The following THBS3 variants were observed in gnomAD, a reference collection of about 807,000 sequenced individuals.
THBS3 encodes the protein thrombospondin 3.
In THBS3, 78 loss-of-function variants were observed where a neutral mutation model predicts 118.3. The ratio of observed to expected loss-of-function variants is 0.66; its 90% CI spans 0.55 to 0.80. THBS3 has a LOEUF of 0.80. Among genes scored for constraint, THBS3 ranks in the 30% least tolerant of loss-of-function variants. THBS3 has a pLI of 0.00. For missense variants in THBS3, 1,057 were observed against 1,247.4 expected (o/e 0.85, Z 2.30); for synonymous variants, 427 against 475.3 (o/e 0.90, Z 1.32).
Position 155,202,896 on chromosome 1 carries a change from T to G in THBS3, c.873A>C (p.Glu291Asp), listed in dbSNP as rs748994528. The change falls in exon 8 of 23, where the codon GAA (glutamate) becomes GAC (aspartate). Residue 291 changes from glutamate (E) to aspartate (D), a missense_variant. Glu to Asp is a conservative substitution (Grantham distance 45). Coordinates refer to ENST00000368378, the MANE Select transcript of THBS3 (RefSeq NM_007112.5). The surrounding 1 kb of genome is among the most constrained non-coding windows in gnomAD (Gnocchi z 5.5). Reference protein sequence around the residue: ...NPCFRGVDCMEVYEYPGYRCG... With the variant: ...NPCFRGVDCMDVYEYPGYRCG... ...AGCGGTAGCCTGGGTACTCGTACAC[T>G]TCCATGCAGTCCACACCTCGGAAGC... is the stretch of plus-strand genomic sequence containing the variant. The G allele has an allele frequency of 2.2e-5, 35 of 1,613,746 alleles. No homozygotes were observed. Among genetic ancestry groups the G allele is most frequent in the Non-Finnish European group, 2.9e-5 (34 of 1,180,028 alleles).
Position 155,198,444 on chromosome 1 carries a change from C to T in THBS3, c.2039G>A (p.Arg680His), listed in dbSNP as rs150766484. The change falls in exon 17 of 23, where the codon CGC becomes CAC. Residue 680 changes from arginine to histidine, a missense_variant. Coordinates refer to ENST00000368378, the MANE Select transcript of THBS3 (RefSeq NM_007112.5). Reference sequence around the variant, plus strand: ...CTTCTGATTGGGATTGGGTACCAGGCGGCAGTTATCGGGACCAGGAGGCAC... The same window carrying T: ...CTTCTGATTGGGATTGGGTACCAGGTGGCAGTTATCGGGACCAGGAGGCAC... ...DYVPPGPDNC[R>H]LVPNPNQKDS... 9.3e-6 allele frequency: 15 copies of T among 1,614,082 alleles called. No homozygotes were observed. Among genetic ancestry groups the T allele is most frequent in the Middle Eastern group, 1.7e-4 (1 of 6,058 alleles).
At position 155,197,697 on chromosome 1, in the gene THBS3, G is replaced by A. The variant is rs748031674; in HGVS notation, c.2303-38C>T. ...TGGGATAAAGGTCAGGGGCAGCAAAGCTACTGGCGGCCCATCATGGGGTAA... is the reference window on the plus strand; with the variant it reads ...TGGGATAAAGGTCAGGGGCAGCAAAACTACTGGCGGCCCATCATGGGGTAA... On this transcript the variant is annotated intron_variant, in intron 19 of 22. Coordinates refer to ENST00000368378, the MANE Select transcript of THBS3 (RefSeq NM_007112.5). The surrounding 1 kb of genome is among the most constrained non-coding windows in gnomAD (Gnocchi z 5.0). 6.2e-7 allele frequency: 1 copy of A among 1,606,400 alleles called. No individual in the cohort carries two copies. Among genetic ancestry groups the A allele is most frequent in the East Asian group, 2.2e-5 (1 of 44,714 alleles).
chr1:155,197,502 T>C lies in THBS3; in HGVS notation c.2460A>G (p.Thr820=), dbSNP rs755189551. The C allele has an allele frequency of 7.1e-5, 114 of 1,613,760 alleles. No individual in the cohort carries two copies. Among genetic ancestry groups the C allele is most frequent in the Non-Finnish European group, 8.6e-5 (102 of 1,179,990 alleles). Residue 820 remains threonine, a synonymous_variant, in exon 20 of 23, where the codon ACA becomes ACG. Coordinates refer to ENST00000368378, the MANE Select transcript of THBS3 (RefSeq NM_007112.5). The surrounding 1 kb of genome is among the most constrained non-coding windows in gnomAD (Gnocchi z 5.0). ...CGGGCTGGGCAACCGCCCGGAAGGG[T>C]GTAGCCTGCCAGTAGGTCTGCTCGG... ...KQTEQTYWQA[T]PFRAVAQPGL...
At position 155,196,111 on chromosome 1, in the gene THBS3, C is replaced by T. The variant is rs1238152850; in HGVS notation, c.2688G>A (p.Glu896=). ...CAGAATCCGCCACAAGCTGGGGTCC[C>T]TCATAGAGCTTCACCCTGTCCAGGA... ...QVGYIRVKLY[E]GPQLVADSGV... Residue 896 remains glutamate (E), a synonymous_variant, in exon 22 of 23, where the codon GAG becomes GAA. Transcript: ENST00000368378. 1 of 1,614,134 alleles carries T rather than the reference C, an allele frequency of 6.2e-7. No individual in the cohort carries two copies. Among genetic ancestry groups the T allele is most frequent in the South Asian group, 1.1e-5 (1 of 91,080 alleles).
Position 155,198,415 on chromosome 1 carries a change from A to T in THBS3, c.2068T>A (p.Ser690Thr), listed in dbSNP as rs1669068516. 1.9e-6 allele frequency: 3 copies of T among 1,613,796 alleles called. No individual in the cohort carries two copies. The highest frequency in any genetic ancestry group is 1.1e-5 in the South Asian group (1 of 91,046). The change falls in exon 17 of 23, where the codon TCA (serine) becomes ACA (threonine). Residue 690 changes from serine to threonine, a missense_variant. Ser to Thr is a moderately conservative substitution (Grantham distance 58). Coordinates refer to ENST00000368378, the MANE Select transcript of THBS3 (RefSeq NM_007112.5). ...RLVPNPNQKD[S>T]DGNGVGDVCE... ...TCTGGGTCCGCAGGCTTACCATCTG[A>T]GTCCTTCTGATTGGGATTGGGTACC...
intron 14 of THBS3, 100 bp downstream of exon 14, chr1:155,200,351 C>T: frequency 6.8e-7 from 1 of 1,465,442 alleles, no homozygotes; most frequent in Non-Finnish European, 9.3e-7. Context: ...ACAAGCCTGC[C>T]TCCCTATTTC....
chr1:155,199,266 C>T (rs1439380972), intron 16 of THBS3, among the ~76,000 whole-genome samples: 3 of 150,244 alleles, frequency 2.0e-5, no homozygotes, highest in Non-Finnish European at 3.0e-5. Flanking sequence ...AAAAATTAGC[C>T]GGGCGTGGTG....
At chr1:155,195,944 A>G in intron 22 of THBS3, 43 bp downstream of exon 22, 1 of 1,614,210 alleles carries the variant, frequency 6.2e-7, no homozygotes, top group Non-Finnish European at 8.5e-7. Context: ...TGGCTCTCCC[A>G]CAAGGCATGA....
Position 155,201,158 on chromosome 1 carries a change from G to T in THBS3, c.1376C>A (p.Thr459Lys). ...AGNGNVCGTDTDIDGYPDQAL... is the reference protein window; with the variant it reads ...AGNGNVCGTDKDIDGYPDQAL... ...TTGGTCTGGGTAGCCATCGATGTCT[G>T]TGTCAGTCCCACACACGTTCCCATT... The change falls in exon 12 of 23, where the codon ACA becomes AAA. Residue 459 changes from threonine to lysine, a missense_variant. Thr to Lys is a moderately conservative substitution (Grantham distance 78). Coordinates refer to ENST00000368378, the MANE Select transcript of THBS3 (RefSeq NM_007112.5). The T allele has an allele frequency of 1.9e-6, 3 of 1,614,168 alleles. No individual in the cohort carries two copies. Among genetic ancestry groups the T allele is most frequent in the Non-Finnish European group, 2.5e-6 (3 of 1,180,050 alleles).
At position 155,206,855 on chromosome 1, in the gene THBS3, C is replaced by T. The variant is rs892156751; in HGVS notation, c.80-449G>A. On this transcript the variant is annotated intron_variant, in intron 1 of 22. Coordinates refer to ENST00000368378, the MANE Select transcript of THBS3 (RefSeq NM_007112.5). The surrounding 1 kb of genome is among the most constrained non-coding windows in gnomAD (Gnocchi z 4.2). Reference sequence around the variant, plus strand: ...GAAACTCCATCTCAAAAAGACAAAACGAAAACAAAAAAAAACCTCAACCCT... The same window carrying T: ...GAAACTCCATCTCAAAAAGACAAAATGAAAACAAAAAAAAACCTCAACCCT... 6.8e-4 allele frequency among the ~76,000 whole-genome samples: 103 copies of T among 151,674 alleles called. 1 individual carries two copies. Among genetic ancestry groups the T allele is most frequent in the Non-Finnish European group, 1.8e-4 (12 of 67,916 alleles).
Position 155,200,791 on chromosome 1 carries a change from G to A in THBS3, c.1548+106C>T. 1.9e-6 allele frequency: 3 copies of A among 1,598,088 alleles called. No individual in the cohort carries two copies. The South Asian group carries it at 3.4e-5, about 18-fold the overall frequency. On this transcript the variant is annotated intron_variant, in intron 13 of 22. Transcript: ENST00000368378. ...ACGAGGTTTTTGCCTCCCTGATTTG[G>A]AGTATTTGGCCCTTACTAGAGAGCT...
intron 16 of THBS3, among the ~76,000 whole-genome samples, chr1:155,198,910 A>G (rs1031277334): frequency 3.3e-5 from 5 of 152,102 alleles, no homozygotes; most frequent in Non-Finnish European, 7.4e-5. Flanking sequence ...ACCTGAGGTC[A>G]GGAGTTCGAG....
chr1:155,208,764 C>T, upstream of THBS3: 1 of 1,429,454 alleles, frequency 7.0e-7, no homozygotes, highest in Non-Finnish European at 9.2e-7. Flanking sequence ...TGGCGACAGG[C>T]GGCGCAGGGC....
Position 155,206,875 on chromosome 1 carries a change from A to G in THBS3, c.80-469T>C, listed in dbSNP as rs1034775318. On this transcript the variant is annotated intron_variant, in intron 1 of 22. Coordinates refer to ENST00000368378, the MANE Select transcript of THBS3 (RefSeq NM_007112.5). This position sits in a 1 kb window ranked among gnomAD's most constrained non-coding sequence, Gnocchi z 4.2. The stretch of plus-strand genomic sequence containing the variant: ...CAAAACGAAAACAAAAAAAAACCTC[A>G]ACCCTTGTTGCTCTCAGAGGACAGA... Among the ~76,000 whole-genome samples the G allele has an allele frequency of 1.3e-5, 2 of 151,936 alleles. No individual in the cohort carries two copies. Among genetic ancestry groups the G allele is most frequent in the African/African-American group, 4.8e-5 (2 of 41,358 alleles).
At position 155,198,177 on chromosome 1, in the gene THBS3, A is replaced by G. The variant is rs770039780; in HGVS notation, c.2118T>C (p.Asp706=). Residue 706 remains aspartate, a synonymous_variant, in exon 18 of 23, where the codon GAT becomes GAC. Transcript: ENST00000368378. ...GDVCEDDFDN[D]AVVDPLDVCP... is the part of the protein sequence containing the mutation. ...ACACATCCAGGGGGTCGACCACAGC[A>G]TCATTGTCAAAGTCATCCTCACACA... is the stretch of plus-strand genomic sequence containing the variant. The G allele has an allele frequency of 6.2e-7, 1 of 1,614,188 alleles. No homozygotes were observed. The highest frequency in any genetic ancestry group is 8.5e-7 in the Non-Finnish European group (1 of 1,180,044).
intron 2 of THBS3, chr1:155,205,529 G>A (rs1280740648): frequency 1.6e-6 from 1 of 640,736 alleles, no homozygotes; most frequent in Non-Finnish European, 2.6e-6. Flanking sequence ...TGTAATCCCA[G>A]CACTTTAGAA....
Position 155,195,768 on chromosome 1 carries a change from C to T in THBS3, c.*73G>A, listed in dbSNP as rs1668558239. On this transcript the variant is annotated 3_prime_UTR_variant, in exon 23 of 23. Coordinates refer to ENST00000368378, the MANE Select transcript of THBS3 (RefSeq NM_007112.5). ...TTGGCTGAGGGGCTGTAGCTTAGACCTCAGGGTCTCCAGGATGGACCCCAA... is the reference window on the plus strand; with the variant it reads ...TTGGCTGAGGGGCTGTAGCTTAGACTTCAGGGTCTCCAGGATGGACCCCAA... 2 of 1,541,462 alleles carry T rather than the reference C, an allele frequency of 1.3e-6. No homozygotes were observed. The highest frequency in any genetic ancestry group is 3.4e-5 in the Admixed American group (2 of 59,530).
rs972908169 is a variant in THBS3, at chr1:155,197,475, C to T, written c.2487G>A (p.Gly829=). Reference sequence around the variant, plus strand: ...AGCAGCTGGGGACCTTGAGCTGCAGCCCGGGCTGGGCAACCGCCCGGAAGG... The same window carrying T: ...AGCAGCTGGGGACCTTGAGCTGCAGTCCGGGCTGGGCAACCGCCCGGAAGG... ...ATPFRAVAQP[G]LQLKAVTSVS... is the part of the protein sequence containing the mutation. Residue 829 remains glycine, a synonymous_variant, in exon 20 of 23, where the codon GGG becomes GGA. Coordinates refer to ENST00000368378, the MANE Select transcript of THBS3 (RefSeq NM_007112.5). The surrounding 1 kb of genome is among the most constrained non-coding windows in gnomAD (Gnocchi z 5.0). 2 of 1,612,862 alleles carry T rather than the reference C, an allele frequency of 1.2e-6. No homozygotes were observed. The highest frequency in any genetic ancestry group is 1.7e-5 in the Admixed American group (1 of 60,010).
intron 16 of THBS3, among the ~76,000 whole-genome samples, chr1:155,198,984 G>A (rs1431872797): frequency 6.6e-6 from 1 of 152,018 alleles, no homozygotes; most frequent in African/African-American, 2.4e-5. Flanking sequence ...GCTGAGCTTG[G>A]TAGCACGCGC....
Sources: allele counts gnomAD v4.1 joint callset (sites outside exome capture counted in the v4.1 genomes callset), GRCh38; gene constraint gnomAD v4.1.1; non-coding constraint Gnocchi (gnomAD v3.1); transcripts MANE v1.5; gene names NCBI Gene and HGNC (gene_info 2026-07-23, HGNC 2026-07-21).